AKAP9: variants seen among roughly 807,000 people sequenced by gnomAD.
The protein encoded by AKAP9 is A-kinase anchor protein 9.
A neutral mutation model predicts 488.5 loss-of-function variants in AKAP9; 311 were observed. The ratio of observed to expected loss-of-function variants is 0.64; its 90% CI spans 0.58 to 0.70. The LOEUF (loss-of-function observed/expected upper bound fraction) is 0.70, where lower values mean the gene tolerates loss of function less well. Among genes scored for constraint, AKAP9 ranks in the 30% least tolerant of loss-of-function variants. AKAP9 has a pLI of 0.00. For missense variants in AKAP9, 4,215 were observed against 4,374.5 expected, an observed-to-expected ratio of 0.96 and a Z score of 1.03; for synonymous variants, 1,462 against 1,483.5, an observed-to-expected ratio of 0.99 and a Z score of 0.33.
chr7:92,048,189 A>G (rs191555429), intron 21 of AKAP9, among the ~76,000 whole-genome samples: 1 of 152,322 alleles, frequency 6.6e-6, no homozygotes, highest in Admixed American at 6.5e-5. Context: ...TAGTATAACA[A>G]AAAAATTAAA....
In AKAP9 at chr7:92,001,171, A is replaced by G; in HGVS notation, c.1254A>G (p.Ile418Met). The part of the protein sequence containing the change: ...NHKDSQFETD[I>M]VQRMEQETQR... The stretch of plus-strand genomic sequence containing the variant: ...AAGACAGCCAGTTCGAAACTGATAT[A>G]GTACAACGAATGGAACAAGAAACAC... The change falls in exon 8 of 50, where the codon ATA becomes ATG. Residue 418 changes from isoleucine (I) to methionine (M), a missense_variant. Coordinates refer to ENST00000356239, the MANE Select transcript of AKAP9 (RefSeq NM_005751.5). The G allele has an allele frequency of 6.2e-7, 1 of 1,614,082 alleles. No individual in the cohort carries two copies. Among genetic ancestry groups the G allele is most frequent in the Non-Finnish European group, 8.5e-7 (1 of 1,179,954 alleles).
At chr7:91,952,230 A>G (rs899675254) in intron 1 of AKAP9, among the ~76,000 whole-genome samples, 3 of 152,222 alleles carry the variant, frequency 2.0e-5, no homozygotes, top group Admixed American at 6.5e-5. Context: ...TCACGATACA[A>G]TAAGTTAAGT....
At position 92,001,879 on chromosome 7, in the gene AKAP9, A is replaced by C; in HGVS notation, c.1962A>C (p.Lys654Asn). 1 of 1,613,078 alleles carries C rather than the reference A, an allele frequency of 6.2e-7. No homozygotes were observed. Among genetic ancestry groups the C allele is most frequent in the Non-Finnish European group, 8.5e-7 (1 of 1,179,334 alleles). Residue 654 changes from lysine (K) to asparagine (N), a missense_variant, in exon 8 of 50, where the codon AAA (lysine) becomes AAC (asparagine). Coordinates refer to ENST00000356239, the MANE Select transcript of AKAP9 (RefSeq NM_005751.5). ...LEIEHRINIE[K>N]LKDNLGIHYK... ...TTGAACATCGAATAAATATTGAAAA[A>C]CTTAAAGATAATTTAGGCATTCACT...
At chr7:92,012,364 A>G (rs1358427880) in intron 8 of AKAP9, 65 bp from the exon 9 acceptor site, 2 of 1,453,480 alleles carry the variant, frequency 1.4e-6, no homozygotes, top group Non-Finnish European at 1.9e-6. Flanking sequence ...ATGCAAAAAA[A>G]AGAAGTTAAA....
At chr7:92,049,368 T>C (rs1037492387) in intron 21 of AKAP9, among the ~76,000 whole-genome samples, 4 of 152,048 alleles carry the variant, frequency 2.6e-5, no homozygotes, top group African/African-American at 4.8e-5. Context: ...TCGCAGCACT[T>C]TGGGAGGCTG....
chr7:92,105,933 G>A (rs553657530), intron 47 of AKAP9, among the ~76,000 whole-genome samples, 170 bp downstream of exon 47: 61 of 152,346 alleles, frequency 4.0e-4, no homozygotes, highest in African/African-American at 1.2e-3. Flanking sequence ...CAGATCAGCC[G>A]TGGCATTAGA....
chr7:92,020,470 G>A (rs904502568), intron 12 of AKAP9, among the ~76,000 whole-genome samples: 5 of 152,134 alleles, frequency 3.3e-5, no homozygotes, highest in African/African-American at 9.7e-5. Context: ...CTTAGCAACA[G>A]TACAGGCCTT....
At position 92,102,803 on chromosome 7, in the gene AKAP9, C is replaced by CAG. The variant is rs1374212630; in HGVS notation, c.11310_11311dup (p.Val3771GlufsTer9). ...GCTTCACCAGGTTTCGGTCGGCCGT[C>CAG]AGAGTATCCATTGCAATTTCCAGGT... On this transcript the variant is annotated frameshift_variant, in exon 46 of 50. Coordinates refer to ENST00000356239, the MANE Select transcript of AKAP9 (RefSeq NM_005751.5). LOFTEE classifies it high-confidence loss of function. The CAG allele has an allele frequency of 6.2e-7, 1 of 1,613,992 alleles. No homozygotes were observed. Among genetic ancestry groups the CAG allele is most frequent in the African/African-American group, 1.3e-5 (1 of 74,910 alleles).
intron 44 of AKAP9, among the ~76,000 whole-genome samples, chr7:92,100,507 G>C (rs926827850): frequency 6.6e-6 from 1 of 152,120 alleles, no homozygotes; most frequent in Non-Finnish European, 1.5e-5. Context: ...ATACTGGCTT[G>C]TTTTTTTCCC....
In AKAP9 at chr7:91,988,520, C is replaced by T. The variant is rs144432293; in HGVS notation, c.352-3638C>T. Among the ~76,000 whole-genome samples the T allele has an allele frequency of 2.3e-4, 35 of 152,202 alleles. No homozygotes were observed. The East Asian group carries it at 6.6e-3, about 29-fold the overall frequency. On this transcript the variant is annotated intron_variant, in intron 3 of 49. Transcript: ENST00000356239. The stretch of plus-strand genomic sequence containing the variant: ...TTCTGGGCAGTATGTAACATTATAA[C>T]TTCACTGCAATGCCATATTTGCAAA...
chr7:92,061,566 T>A, intron 23 of AKAP9, 144 bp downstream of exon 23: 1 of 450,472 alleles, frequency 2.2e-6, no homozygotes, highest in Non-Finnish European at 3.7e-6. Context: ...TCAGAGTTCC[T>A]CCAAGCAATT....
intron 16 of AKAP9, among the ~76,000 whole-genome samples, chr7:92,035,718 A>C (rs1216371516): frequency 6.6e-6 from 1 of 152,170 alleles, no homozygotes; most frequent in Non-Finnish European, 1.5e-5. Context: ...TTCCCTCTGC[A>C]GTCTCCTAGC....
chr7:92,017,169 CT>C, intron 12 of AKAP9, 67 bp downstream of exon 12: 1 of 1,192,294 alleles, frequency 8.4e-7, no homozygotes, highest in Non-Finnish European at 1.2e-6. Flanking sequence ...TTGTAAGCTG[CT>C]TTTATCAACC....
At chr7:92,041,162 A>C in intron 18 of AKAP9, 4 of 419,680 alleles carry the variant, frequency 9.5e-6, no homozygotes, top group Non-Finnish European at 1.3e-5. Flanking sequence ...CTCCTTTTTC[A>C]AGCACTGGAA....
chr7:91,990,001 T>A (rs1459364800), intron 3 of AKAP9, among the ~76,000 whole-genome samples: 21 of 152,054 alleles, frequency 1.4e-4, no homozygotes, highest in Admixed American at 1.4e-3. Context: ...GATACCTCTA[T>A]AAAACATTTT....
At chr7:92,066,687 C>A in intron 26 of AKAP9, 141 bp downstream of exon 26, 2 of 1,081,552 alleles carry the variant, frequency 1.8e-6, no homozygotes, top group Non-Finnish European at 1.4e-6. Flanking sequence ...ATTACTTAAG[C>A]ATGAGAAGGT....
intron 1 of AKAP9, among the ~76,000 whole-genome samples, chr7:91,950,549 A>G (rs906547672): frequency 2.0e-5 from 3 of 152,088 alleles, no homozygotes; most frequent in Non-Finnish European, 4.4e-5. Flanking sequence ...ACTTTTATTC[A>G]AGTTAGTATT....
chr7:92,091,865 T>C (rs937910752), intron 38 of AKAP9: 3 of 147,570 alleles, frequency 2.0e-5, no homozygotes, highest in Non-Finnish European at 4.5e-5. Context: ...TTAAACATGA[T>C]TGATTATCAT....
In AKAP9 at chr7:92,077,815, C is replaced by T. The variant is rs777662401; in HGVS notation, c.6885C>T (p.Asp2295=). The T allele has an allele frequency of 6.2e-7, 1 of 1,613,450 alleles. No individual in the cohort carries two copies. Among genetic ancestry groups the T allele is most frequent in the Non-Finnish European group, 8.5e-7 (1 of 1,179,788 alleles). The change falls in exon 30 of 50, where the codon GAC becomes GAT. Residue 2295 remains aspartate (D), a synonymous_variant. Coordinates refer to ENST00000356239, the MANE Select transcript of AKAP9 (RefSeq NM_005751.5). ...QIIQEKEVEI[D]QLNEQVTKLQ... ...TACAGGAAAAAGAGGTAGAAATTGACCAATTAAATGAACAAGTTACGAAAC... is the reference window on the plus strand; with the variant it reads ...TACAGGAAAAAGAGGTAGAAATTGATCAATTAAATGAACAAGTTACGAAAC...
Sources: allele counts gnomAD v4.1 joint callset (sites outside exome capture counted in the v4.1 genomes callset), GRCh38; gene constraint gnomAD v4.1.1; transcripts MANE v1.5; gene names NCBI Gene and HGNC (gene_info 2026-07-23, HGNC 2026-07-21).